Variants in ILDR1 observed in about 807,000 individuals in gnomAD.
The protein encoded by ILDR1 is immunoglobulin-like domain-containing receptor 1.
ILDR1 carries 56 observed loss-of-function variants against 62.4 expected under a neutral mutation model. The ratio of observed to expected loss-of-function variants is 0.90; its 90% CI spans 0.72 to 1.12. The LOEUF (loss-of-function observed/expected upper bound fraction) is 1.12, where lower values mean the gene tolerates loss of function less well. Among genes scored for constraint, ILDR1 ranks in the 50% most tolerant of loss-of-function variants. ILDR1 has a pLI of 0.00. For synonymous variants in ILDR1, 284 were observed against 277.8 expected, an observed-to-expected ratio of 1.02 and a Z score of -0.22; for missense variants, 736 against 710.6, an observed-to-expected ratio of 1.04 and a Z score of -0.41.
Position 121,993,611 on chromosome 3 carries a change from G to A in ILDR1, c.1138C>T (p.Leu380Phe), listed in dbSNP as rs149015468. The A allele has an allele frequency of 7.8e-5, 126 of 1,614,110 alleles. No homozygotes were observed. Among genetic ancestry groups the A allele is most frequent in the Non-Finnish European group, 1.1e-4 (125 of 1,180,046 alleles). Reference protein sequence around the residue: ...HHHYPDFHQELQDRGPKSWAL... With the variant: ...HHHYPDFHQEFQDRGPKSWAL... ...CAAGACTTTGGCCCCCGGTCCTGGAGCTCCTGGTGGAAATCAGGGTAATGG... is the reference window on the plus strand; with the variant it reads ...CAAGACTTTGGCCCCCGGTCCTGGAACTCCTGGTGGAAATCAGGGTAATGG... The change falls in exon 7 of 8, where the codon CTC becomes TTC. Residue 380 changes from leucine to phenylalanine, a missense_variant. Coordinates refer to ENST00000344209, the MANE Select transcript of ILDR1 (RefSeq NM_001199799.2).
chr3:122,045,711 G>C, the ILDR1 span, among the ~76,000 whole-genome samples: 42 of 150,464 alleles, frequency 2.8e-4, no homozygotes, highest in African/African-American at 9.5e-4. Flanking sequence ...TTGGTTTAAC[G>C]TCTGTTTTAT....
upstream of ILDR1, among the ~76,000 whole-genome samples, chr3:122,026,460 A>G (rs2071922053): frequency 6.6e-6 from 1 of 152,238 alleles, no homozygotes; most frequent in South Asian, 2.1e-4. Context: ...GTTTCTGACT[A>G]TTGACCCTAG....
the ILDR1 span, among the ~76,000 whole-genome samples, chr3:122,050,107 C>T: frequency 3.9e-5 from 6 of 152,176 alleles, no homozygotes; most frequent in Admixed American, 1.3e-4. Flanking sequence ...GGTTATCATT[C>T]GCATGGAATA....
chr3:122,021,245 A>G (rs1380828628), intron 1 of ILDR1, among the ~76,000 whole-genome samples: 1 of 152,166 alleles, frequency 6.6e-6, no homozygotes, highest in Non-Finnish European at 1.5e-5. Flanking sequence ...TCACACCTAC[A>G]TCCTAATTGG....
chr3:122,055,357 T>C, the ILDR1 span: 1 of 811,294 alleles, frequency 1.2e-6, no homozygotes, highest in Non-Finnish European at 2.1e-6. Context: ...GCTGGGTAGG[T>C]ATACAGTCAT....
chr3:122,001,667 G>GTTT (rs35657414), intron 4 of ILDR1, 78 bp downstream of exon 4: 94 of 1,413,876 alleles, frequency 6.6e-5, no homozygotes, highest in Middle Eastern at 2.2e-4. Flanking sequence ...CTTATTTCTG[G>GTTT]TTTTTTTTTT....
the ILDR1 span, among the ~76,000 whole-genome samples, chr3:122,050,803 CTT>C: frequency 6.6e-6 from 1 of 152,102 alleles, no homozygotes; most frequent in African/African-American, 2.4e-5. Flanking sequence ...CAAGGACTCT[CTT>C]TAGCATTTCT....
the ILDR1 span, among the ~76,000 whole-genome samples, chr3:122,061,655 T>C: frequency 6.6e-6 from 1 of 152,086 alleles, no homozygotes; most frequent in African/African-American, 2.4e-5. Flanking sequence ...TACCTACCTA[T>C]AAAAATGGTT....
At chr3:122,016,680 G>T (rs2071781553) in intron 1 of ILDR1, among the ~76,000 whole-genome samples, 1 of 152,212 alleles carries the variant, frequency 6.6e-6, no homozygotes, top group African/African-American at 2.4e-5. Context: ...AAGAGCTTTA[G>T]CCCAGTCTCA....
At chr3:122,006,935 G>A in intron 2 of ILDR1, 56 bp downstream of exon 2, 2 of 1,560,246 alleles carry the variant, frequency 1.3e-6, no homozygotes, top group East Asian at 4.6e-5. Context: ...CCTAACCGCA[G>A]TATGTCACAG....
chr3:122,023,941 G>C (rs1255102848), upstream of ILDR1, among the ~76,000 whole-genome samples: 1 of 151,946 alleles, frequency 6.6e-6, no homozygotes, highest in Non-Finnish European at 1.5e-5. Context: ...CATAGTTTCC[G>C]GGTTTGTGAA....
chr3:121,988,391 A>T lies in ILDR1; in HGVS notation c.1617T>A (p.His539Gln). The T allele has an allele frequency of 6.2e-7, 1 of 1,613,810 alleles. No homozygotes were observed. Among genetic ancestry groups the T allele is most frequent in the Non-Finnish European group, 8.5e-7 (1 of 1,179,740 alleles). ...ACTAAATGACCACACTCCTTCCACT[A>T]TGAGAGCTGTCTTTCTCCTGGGAAA... The part of the protein sequence containing the change: ...VERRSEKDSS[H>Q]SGRSVVI Residue 539 changes from histidine (H) to glutamine (Q), a missense_variant, in exon 8 of 8, where the codon CAT becomes CAA. By Grantham distance (24) the His-to-Gln change is conservative. Coordinates refer to ENST00000344209, the MANE Select transcript of ILDR1 (RefSeq NM_001199799.2).
the ILDR1 span, among the ~76,000 whole-genome samples, chr3:122,053,171 C>T: frequency 8.5e-5 from 13 of 152,266 alleles, no homozygotes; most frequent in African/African-American, 2.9e-4. Context: ...ATCTTGCTGA[C>T]GTTCACTGTG....
chr3:122,048,203 A>G, the ILDR1 span, among the ~76,000 whole-genome samples: 1 of 152,084 alleles, frequency 6.6e-6, no homozygotes, highest in Non-Finnish European at 1.5e-5. Flanking sequence ...TTCTGTGTCT[A>G]TTGAGATGAC....
chr3:122,004,896 T>A (rs1245772121), intron 3 of ILDR1, among the ~76,000 whole-genome samples: 2 of 151,954 alleles, frequency 1.3e-5, no homozygotes, highest in African/African-American at 4.8e-5. Context: ...GGACCTGGGG[T>A]TTCAGTAGGC....
chr3:122,032,674 T>C, the ILDR1 span, among the ~76,000 whole-genome samples: 1 of 152,114 alleles, frequency 6.6e-6, no homozygotes. Context: ...CAGGCCTAGG[T>C]CATAAAAGGT....
intron 1 of ILDR1, among the ~76,000 whole-genome samples, chr3:122,011,941 G>A (rs2071710471): frequency 6.6e-6 from 1 of 152,114 alleles, no homozygotes; most frequent in African/African-American, 2.4e-5. Flanking sequence ...GTCAGCATCA[G>A]GATTTGAGCT....
chr3:122,032,350 A>T, the ILDR1 span, among the ~76,000 whole-genome samples: 3 of 152,188 alleles, frequency 2.0e-5, no homozygotes, highest in Non-Finnish European at 4.4e-5. Flanking sequence ...ATATACTGCA[A>T]TGTGTTTATC....
the ILDR1 span, among the ~76,000 whole-genome samples, chr3:122,055,788 A>G: frequency 1.3e-5 from 2 of 152,244 alleles, no homozygotes; most frequent in African/African-American, 4.8e-5. Context: ...GTGAAGAATC[A>G]GGAATTTTTA....
Sources: gnomAD v4.1 joint callset for allele counts (sites outside exome capture counted in the v4.1 genomes callset) on GRCh38, gnomAD v4.1.1 for gene constraint, MANE v1.5 for transcripts, NCBI Gene and HGNC (gene_info 2026-07-23, HGNC 2026-07-21) for gene names.